The following LOC102723971 variants were observed in gnomAD, a reference collection of about 807,000 sequenced individuals.
the LOC102723971 span, among the ~76,000 whole-genome samples, chr9:135,615,042 C>T: frequency 3.3e-5 from 5 of 152,222 alleles, no homozygotes; most frequent in Non-Finnish European, 7.4e-5. Context: ...CCTGGACCCA[C>T]AGATGGGCAT....
chr9:135,615,874 G>C, the LOC102723971 span, among the ~76,000 whole-genome samples: 1 of 152,244 alleles, frequency 6.6e-6, no homozygotes, highest in Non-Finnish European at 1.5e-5. Flanking sequence ...CCCGATGTAA[G>C]CCAGGGAATC....
At chr9:135,617,606 G>A in the LOC102723971 span, among the ~76,000 whole-genome samples, 1 of 152,168 alleles carries the variant, frequency 6.6e-6, no homozygotes, top group Non-Finnish European at 1.5e-5. Flanking sequence ...GGGAGGGGTG[G>A]CACCAGGCCG....
chr9:135,617,753 G>A, the LOC102723971 span, among the ~76,000 whole-genome samples: 1 of 152,148 alleles, frequency 6.6e-6, no homozygotes, highest in African/African-American at 2.4e-5. Context: ...AATCAGAGCT[G>A]GCCGGGCCTG....
At chr9:135,617,449 G>C in the LOC102723971 span, among the ~76,000 whole-genome samples, 1 of 152,176 alleles carries the variant, frequency 6.6e-6, no homozygotes, top group Non-Finnish European at 1.5e-5. Context: ...ACATCGAGGG[G>C]CTGCAGTGTC....
At chr9:135,615,511 C>A in the LOC102723971 span, 1 of 398,754 alleles carries the variant, frequency 2.5e-6, no homozygotes, top group Non-Finnish European at 4.4e-6. Flanking sequence ...AAGCACGGCT[C>A]CTGCCGCCCC....
chr9:135,614,437 C>G, the LOC102723971 span: 10 of 386,986 alleles, frequency 2.6e-5, no homozygotes, highest in Non-Finnish European at 4.1e-5. Flanking sequence ...GTGGGGCAGA[C>G]AGGGGGGTGC....
chr9:135,619,690 T>C, the LOC102723971 span, among the ~76,000 whole-genome samples: 421 of 152,150 alleles, frequency 2.8e-3, 3 homozygotes, highest in African/African-American at 8.8e-3. Context: ...GAGCCCAGGA[T>C]TCTGAAGGGC....
chr9:135,616,136 G>GGGC, the LOC102723971 span, among the ~76,000 whole-genome samples: 1 of 152,166 alleles, frequency 6.6e-6, no homozygotes, highest in Non-Finnish European at 1.5e-5. Context: ...GGAGTGAGGG[G>GGGC]GGCTCTGTCT....
At chr9:135,618,195 C>G in the LOC102723971 span, among the ~76,000 whole-genome samples, 1 of 152,070 alleles carries the variant, frequency 6.6e-6, no homozygotes. Context: ...CAGGGGCTGC[C>G]GGATCTTACC....
the LOC102723971 span, chr9:135,616,971 G>A: frequency 1.8e-5 from 7 of 398,508 alleles, no homozygotes; most frequent in Admixed American, 4.4e-5. Flanking sequence ...CATTCTTTAC[G>A]TGCGCTTTGA....
At chr9:135,617,230 C>G in the LOC102723971 span, among the ~76,000 whole-genome samples, 1 of 152,202 alleles carries the variant, frequency 6.6e-6, no homozygotes, top group Non-Finnish European at 1.5e-5. Flanking sequence ...GGAGGGTGTC[C>G]CCATGCAGGA....
chr9:135,615,635 A>C, the LOC102723971 span: 1 of 397,448 alleles, frequency 2.5e-6, no homozygotes, highest in Middle Eastern at 6.3e-4. Flanking sequence ...AAGAGGGGTA[A>C]GCTCAGAAGC....
At chr9:135,617,393 G>A in the LOC102723971 span, among the ~76,000 whole-genome samples, 2 of 152,202 alleles carry the variant, frequency 1.3e-5, no homozygotes, top group African/African-American at 2.4e-5. Context: ...GAAAGTAAAA[G>A]CACCATGAGA....
the LOC102723971 span, among the ~76,000 whole-genome samples, chr9:135,615,812 A>G: frequency 3.3e-5 from 5 of 151,950 alleles, no homozygotes; most frequent in African/African-American, 1.2e-4. Context: ...CCTCATTCCC[A>G]ACATCCCTCT....
the LOC102723971 span, among the ~76,000 whole-genome samples, chr9:135,617,678 G>C: frequency 6.6e-6 from 1 of 152,146 alleles, no homozygotes; most frequent in South Asian, 2.1e-4. Context: ...CTCCTTCCAG[G>C]GGCATTTTAC....
chr9:135,615,867 G>A, the LOC102723971 span, among the ~76,000 whole-genome samples: 269 of 152,322 alleles, frequency 1.8e-3, 1 homozygote, highest in African/African-American at 5.8e-3. Context: ...TTCCGGCCCC[G>A]ATGTAAGCCA....
the LOC102723971 span, chr9:135,616,952 C>T: frequency 5.0e-6 from 2 of 398,526 alleles, no homozygotes; most frequent in African/African-American, 4.1e-5. Flanking sequence ...GCACCGACTA[C>T]AGCAACCTCA....
At chr9:135,619,223 A>C in the LOC102723971 span, among the ~76,000 whole-genome samples, 1 of 152,306 alleles carries the variant, frequency 6.6e-6, no homozygotes, top group East Asian at 1.9e-4. Flanking sequence ...GCCAAGGGCC[A>C]GCAGTGTGCC....
the LOC102723971 span, among the ~76,000 whole-genome samples, chr9:135,615,674 C>T: frequency 6.6e-6 from 1 of 152,228 alleles, no homozygotes; most frequent in Non-Finnish European, 1.5e-5. Context: ...AGGAAACACA[C>T]AGCCCGGCCC....
Sources: gnomAD v4.1 joint callset for allele counts (sites outside exome capture counted in the v4.1 genomes callset) on GRCh38, gnomAD v4.1.1 for gene constraint, MANE v1.5 for transcripts.